MARK4: variants seen among roughly 807,000 people sequenced by gnomAD.
The protein encoded by MARK4 is MAP/microtubule affinity-regulating kinase 4.
MARK4 carries 19 observed loss-of-function variants against 81.5 expected under a neutral mutation model. The ratio of observed to expected loss-of-function variants is 0.23; its 90% CI spans 0.16 to 0.34. MARK4 has a LOEUF of 0.34. Among genes scored for constraint, MARK4 ranks in the 10% least tolerant of loss-of-function variants. MARK4 has a pLI of 1.00. For synonymous variants in MARK4, 436 were observed against 439.0 expected, an observed-to-expected ratio of 0.99 and a Z score of 0.08; for missense variants, 772 against 1,058.8, an observed-to-expected ratio of 0.73 and a Z score of 3.76.
At chr19:45,267,743 C>T (rs890847303) in intron 7 of MARK4, among the ~76,000 whole-genome samples, 1 of 152,164 alleles carries the variant, frequency 6.6e-6, no homozygotes, top group Non-Finnish European at 1.5e-5. Context: ...TCACTGTAGC[C>T]TCAACCTCTT....
chr19:45,270,392 C>G (rs1311054731), intron 7 of MARK4, among the ~76,000 whole-genome samples: 2 of 152,164 alleles, frequency 1.3e-5, no homozygotes, highest in Non-Finnish European at 2.9e-5. Flanking sequence ...TGATAGTCCA[C>G]AGAGCCCAGT....
At chr19:45,262,685 G>C (rs1970395314) in intron 2 of MARK4, among the ~76,000 whole-genome samples, 1 of 152,232 alleles carries the variant, frequency 6.6e-6, no homozygotes, top group Non-Finnish European at 1.5e-5. Context: ...TGGAGACAGT[G>C]AGGACAGCTT....
chr19:45,287,202 CA>C (rs139216602), intron 12 of MARK4, among the ~76,000 whole-genome samples: 1,067 of 65,494 alleles, frequency 0.016, 10 homozygotes, highest in African/African-American at 0.041. Context: ...GACTTTGTCT[CA>C]AAAAAAAAAA....
chr19:45,286,963 A>C (rs537810582), intron 12 of MARK4, among the ~76,000 whole-genome samples: 9 of 152,102 alleles, frequency 5.9e-5, no homozygotes, highest in Non-Finnish European at 1.0e-4. Flanking sequence ...ATTCTTTTTT[A>C]TAGCTGCATA....
chr19:45,260,629 G>T (rs1156488947), intron 2 of MARK4, among the ~76,000 whole-genome samples: 3 of 152,060 alleles, frequency 2.0e-5, no homozygotes, highest in Non-Finnish European at 4.4e-5. Context: ...CCCAGGAGGC[G>T]AAGGCCGCAG....
intron 4 of MARK4, 92 bp from the exon 5 acceptor site, chr19:45,264,592 G>T (rs1970425825): frequency 1.7e-6 from 2 of 1,181,330 alleles, no homozygotes; most frequent in South Asian, 1.3e-5. Flanking sequence ...TGGGGTGGGG[G>T]TGTTATGGTT....
chr19:45,294,134 C>T (rs563186799), intron 13 of MARK4, among the ~76,000 whole-genome samples: 29 of 152,212 alleles, frequency 1.9e-4, no homozygotes, highest in South Asian at 4.2e-4. Flanking sequence ...CCCTCTTCTC[C>T]GGTCTCCAGG....
At chr19:45,294,051 C>A (rs1199142027) in intron 13 of MARK4, among the ~76,000 whole-genome samples, 1 of 152,108 alleles carries the variant, frequency 6.6e-6, no homozygotes, top group Admixed American at 6.6e-5. Context: ...AGAAGGTGGG[C>A]ATTGCTGGGA....
chr19:45,302,417 C>T lies in MARK4; in HGVS notation c.1966C>T (p.Leu656Phe). Residue 656 changes from leucine (L) to phenylalanine (F), a missense_variant, in exon 17 of 17, where the codon CTC becomes TTC. Leu to Phe is a conservative substitution (Grantham distance 22). Around this residue, in one of 3 missense-constraint regions of MARK4, gnomAD observed 548 missense variants for 624.3 expected, o/e 0.88. Coordinates refer to ENST00000262891, the MANE Select transcript of MARK4 (RefSeq NM_001199867.2). The surrounding 1 kb of genome is among the most constrained non-coding windows in gnomAD (Gnocchi z 4.9). Reference sequence around the variant, plus strand: ...TCAAACGGAAACCGCCCCCCGGCTGCTCCGATTCCCCTGGAGTGTGAAGCT... The same window carrying T: ...TCAAACGGAAACCGCCCCCCGGCTGTTCCGATTCCCCTGGAGTGTGAAGCT... ...WDQTETAPRL[L>F]RFPWSVKLTS... 6.2e-7 allele frequency: 1 copy of T among 1,614,140 alleles called. No individual in the cohort carries two copies. The highest frequency in any genetic ancestry group is 8.5e-7 in the Non-Finnish European group (1 of 1,179,974).
At chr19:45,269,582 G>T (rs1385190934) in intron 7 of MARK4, among the ~76,000 whole-genome samples, 1 of 152,138 alleles carries the variant, frequency 6.6e-6, no homozygotes, top group Admixed American at 6.5e-5. Flanking sequence ...GGCGAGGGAA[G>T]GACCGCAGTT....
chr19:45,278,068 GA>G (rs760221892), intron 9 of MARK4, 26 bp downstream of exon 9: 1 of 1,611,334 alleles, frequency 6.2e-7, no homozygotes. Context: ...CAGCCAGCGG[GA>G]GCCCTTCTAG....
chr19:45,268,851 C>T (rs943656866), intron 7 of MARK4, among the ~76,000 whole-genome samples: 9 of 152,160 alleles, frequency 5.9e-5, no homozygotes, highest in Non-Finnish European at 1.2e-4. Flanking sequence ...CAAGTGCTAA[C>T]CCTCTCTTCA....
At chr19:45,281,435 A>C (rs1970673764) in intron 12 of MARK4, among the ~76,000 whole-genome samples, 1 of 144,768 alleles carries the variant, frequency 6.9e-6, no homozygotes, top group Non-Finnish European at 1.5e-5. Context: ...ATCTTGGCTC[A>C]CTGCAACCTC....
intron 15 of MARK4, 170 bp downstream of exon 15, chr19:45,298,124 C>T: frequency 1.2e-6 from 2 of 1,613,172 alleles, no homozygotes; most frequent in East Asian, 4.5e-5. Flanking sequence ...CACCCCTCAC[C>T]TCCCTCCTCA....
intron 2 of MARK4, among the ~76,000 whole-genome samples, chr19:45,262,404 C>T (rs535954995): frequency 1.3e-5 from 2 of 152,264 alleles, no homozygotes; most frequent in East Asian, 3.9e-4. Flanking sequence ...TAGCACTTAT[C>T]TCACAGGTTG....
chr19:45,259,562 GA>G (rs1970354318), intron 2 of MARK4, among the ~76,000 whole-genome samples: 1 of 152,104 alleles, frequency 6.6e-6, no homozygotes, highest in African/African-American at 2.4e-5. Flanking sequence ...AGGAGTTTGA[GA>G]CCAGCCTGGG....
chr19:45,301,577 A>AAAAAAAAC, intron 16 of MARK4, among the ~76,000 whole-genome samples: 1 of 144,256 alleles, frequency 6.9e-6, no homozygotes, highest in South Asian at 2.2e-4. Context: ...AAAAAAAAAA[A>AAAAAAAAC]AAGCCGGGCG....
In MARK4 at chr19:45,264,763, C is replaced by T. The variant is rs1036995496; in HGVS notation, c.421+14C>T. 4 of 1,614,000 alleles carry T rather than the reference C, an allele frequency of 2.5e-6. No individual in the cohort carries two copies. The highest frequency in any genetic ancestry group is 2.5e-6 in the Non-Finnish European group (3 of 1,180,010). On this transcript the variant is annotated intron_variant, in intron 5 of 16. Coordinates refer to ENST00000262891, the MANE Select transcript of MARK4 (RefSeq NM_001199867.2). ...ACGCAAGTGCTGGTGAGCCGCCCACCCTCTCCGCCCTGCCCCTGTGCCACC... is the reference window on the plus strand; with the variant it reads ...ACGCAAGTGCTGGTGAGCCGCCCACTCTCTCCGCCCTGCCCCTGTGCCACC...
intron 1 of MARK4, among the ~76,000 whole-genome samples, chr19:45,256,154 C>T (rs1447596908): frequency 6.6e-6 from 1 of 152,100 alleles, no homozygotes; most frequent in African/African-American, 2.4e-5. Context: ...ACTTGGTTAC[C>T]CTGCAGGGGG....
Sources: gnomAD v4.1 joint callset for allele counts (sites outside exome capture counted in the v4.1 genomes callset) on GRCh38, gnomAD v4.1.1 for gene constraint, gnomAD v4.1.1 regional missense constraint, Gnocchi (gnomAD v3.1) non-coding constraint, MANE v1.5 for transcripts, NCBI Gene and HGNC (gene_info 2026-07-23, HGNC 2026-07-21) for gene names.